The following FAF1 variants were observed in gnomAD, a reference collection of about 807,000 sequenced individuals.
FAF1 encodes Fas associated factor 1.
A neutral mutation model predicts 92.5 loss-of-function variants in FAF1; 25 were observed. That is an observed-to-expected ratio of 0.27 (90% CI 0.20 to 0.38). The LOEUF (loss-of-function observed/expected upper bound fraction) is 0.38, where lower values mean the gene tolerates loss of function less well. Among genes scored for constraint, FAF1 ranks in the 10% least tolerant of loss-of-function variants. FAF1 has a pLI of 1.00. For missense variants in FAF1, 636 were observed against 793.3 expected (o/e 0.80, Z 2.38); for synonymous variants, 234 against 273.2 (o/e 0.86, Z 1.42).
At chr1:50,549,386 G>T (rs1043325618) in intron 13 of FAF1, among the ~76,000 whole-genome samples, 1 of 152,048 alleles carries the variant, frequency 6.6e-6, no homozygotes, top group African/African-American at 2.4e-5. Context: ...ATAGCTCACG[G>T]AAGGCTTGAA....
intron 8 of FAF1, among the ~76,000 whole-genome samples, chr1:50,602,648 G>A (rs1188043057): frequency 2.6e-5 from 4 of 151,816 alleles, no homozygotes. Context: ...GACTACAGGT[G>A]CATGCCACCA....
intron 18 of FAF1, among the ~76,000 whole-genome samples, chr1:50,454,317 C>T (rs1646327915): frequency 1.3e-5 from 2 of 152,214 alleles, no homozygotes; most frequent in Non-Finnish European, 2.9e-5. Context: ...GTTTCCTCCA[C>T]CTAGACTGTC....
chr1:50,736,654 G>C (rs1659151184), intron 6 of FAF1, among the ~76,000 whole-genome samples: 1 of 152,108 alleles, frequency 6.6e-6, no homozygotes, highest in Non-Finnish European at 1.5e-5. Context: ...AGGAGGCTGA[G>C]ACAGGAGAAT....
At chr1:50,707,202 CAAAAAAA>C (rs397862445) in intron 6 of FAF1, among the ~76,000 whole-genome samples, 1 of 106,900 alleles carries the variant, frequency 9.4e-6, no homozygotes, top group African/African-American at 3.3e-5. Context: ...GACTCTGTGT[CAAAAAAA>C]AAAAAAAAAA....
intron 1 of FAF1, among the ~76,000 whole-genome samples, chr1:50,894,884 G>C (rs1033907113): frequency 6.6e-6 from 1 of 152,004 alleles, no homozygotes; most frequent in African/African-American, 2.4e-5. Context: ...CAAGAGGGAA[G>C]TACCAAATAT....
chr1:50,853,508 T>G (rs1217287906), intron 2 of FAF1, among the ~76,000 whole-genome samples: 1 of 152,022 alleles, frequency 6.6e-6, no homozygotes, highest in Non-Finnish European at 1.5e-5. Context: ...CTGAATAGAG[T>G]CTTTCTTCAG....
chr1:50,507,612 G>A (rs765807842), intron 15 of FAF1, among the ~76,000 whole-genome samples: 26 of 152,162 alleles, frequency 1.7e-4, no homozygotes, highest in Non-Finnish European at 3.5e-4. Context: ...AGCTACTCAG[G>A]AAGCTGAGGT....
intron 1 of FAF1, among the ~76,000 whole-genome samples, chr1:50,866,223 C>T (rs1274766565): frequency 2.6e-5 from 4 of 152,086 alleles, no homozygotes; most frequent in Admixed American, 1.3e-4. Flanking sequence ...AACCCACAGC[C>T]GACATTATAC....
intron 2 of FAF1, among the ~76,000 whole-genome samples, chr1:50,850,704 T>C (rs1644340944): frequency 6.6e-6 from 1 of 152,112 alleles, no homozygotes; most frequent in Non-Finnish European, 1.5e-5. Flanking sequence ...AGAAATTTTG[T>C]ACATGAACAC....
chr1:50,775,275 A>G (rs2124552534), intron 4 of FAF1, among the ~76,000 whole-genome samples: 1 of 152,220 alleles, frequency 6.6e-6, no homozygotes, highest in African/African-American at 2.4e-5. Flanking sequence ...TTGTTTCCTC[A>G]ACAAGCACTA....
chr1:50,764,723 A>C (rs1310310489), intron 4 of FAF1, among the ~76,000 whole-genome samples: 1 of 152,210 alleles, frequency 6.6e-6, no homozygotes, highest in Non-Finnish European at 1.5e-5. Flanking sequence ...GAAGAGAGGT[A>C]CTATATCAGT....
intron 7 of FAF1, among the ~76,000 whole-genome samples, chr1:50,695,611 T>C (rs376162861): frequency 7.9e-5 from 12 of 152,176 alleles, no homozygotes; most frequent in African/African-American, 2.4e-4. Context: ...TTTTATAATA[T>C]ATATGATTTC....
Position 50,691,987 on chromosome 1 carries a change from G to A in FAF1, c.657+13799C>T, listed in dbSNP as rs145130327. ...CTGTAATCCTTTGGGAGGCCCAGGCGGGCAGATCACTTGAGCCCAGGTGTA... is the reference window on the plus strand; with the variant it reads ...CTGTAATCCTTTGGGAGGCCCAGGCAGGCAGATCACTTGAGCCCAGGTGTA... On this transcript the variant is annotated intron_variant, in intron 7 of 18. Transcript: ENST00000396153. 4.6e-3 allele frequency among the ~76,000 whole-genome samples: 702 copies of A among 152,206 alleles called. 8 individuals are homozygous for A. Among genetic ancestry groups the A allele is most frequent in the African/African-American group, 0.015 (621 of 41,530 alleles).
At chr1:50,703,958 T>C (rs1301065559) in intron 7 of FAF1, among the ~76,000 whole-genome samples, 5 of 152,202 alleles carry the variant, frequency 3.3e-5, no homozygotes, top group East Asian at 1.9e-4. Flanking sequence ...TCGGAAATAT[T>C]TGCAGTATTT....
intron 1 of FAF1, among the ~76,000 whole-genome samples, chr1:50,869,163 A>G (rs754923915): frequency 2.2e-4 from 34 of 152,114 alleles, no homozygotes; most frequent in Non-Finnish European, 3.8e-4. Flanking sequence ...ACTCAAGTCT[A>G]CTTAGTCTGG....
intron 1 of FAF1, among the ~76,000 whole-genome samples, chr1:50,909,678 G>A (rs1329405574): frequency 1.3e-5 from 2 of 152,164 alleles, no homozygotes; most frequent in African/African-American, 2.4e-5. Flanking sequence ...AGCTATTGAA[G>A]GTTGTGCATG....
At chr1:50,720,936 G>T (rs961992366) in intron 6 of FAF1, among the ~76,000 whole-genome samples, 1 of 152,048 alleles carries the variant, frequency 6.6e-6, no homozygotes, top group Non-Finnish European at 1.5e-5. Context: ...CCTTTCTGTA[G>T]CTCAGGATGC....
intron 1 of FAF1, among the ~76,000 whole-genome samples, chr1:50,937,050 C>G (rs1645090659): frequency 1.3e-5 from 2 of 151,980 alleles, no homozygotes. Context: ...TTCAAGTTGA[C>G]AAAGTTCTTC....
intron 8 of FAF1, among the ~76,000 whole-genome samples, chr1:50,650,372 C>T (rs1170253812): frequency 1.3e-5 from 2 of 151,522 alleles, no homozygotes; most frequent in African/African-American, 4.9e-5. Context: ...CTTTGGGAGG[C>T]CGAGGTGAGG....
Sources: allele counts gnomAD v4.1 joint callset (sites outside exome capture counted in the v4.1 genomes callset), GRCh38; gene constraint gnomAD v4.1.1; transcripts MANE v1.5; gene names NCBI Gene and HGNC (gene_info 2026-07-23, HGNC 2026-07-21).